SPOCK2: variants seen among roughly 807,000 people sequenced by gnomAD.
SPOCK2 encodes the protein SPARC (osteonectin), cwcv and kazal like domains proteoglycan 2.
Under a neutral mutation model 60.1 loss-of-function variants are expected in SPOCK2, and 39 were observed. That is an observed-to-expected ratio of 0.65 (90% CI 0.50 to 0.85). SPOCK2 has a LOEUF of 0.85. Ranked by LOEUF, SPOCK2 falls within the 40% of genes least tolerant of loss-of-function variation. The pLI, the probability that SPOCK2 is intolerant of heterozygous loss-of-function variation, is 0.00. For missense variants in SPOCK2, 523 were observed against 567.4 expected (o/e 0.92, Z 0.80); for synonymous variants, 217 against 231.5 (o/e 0.94, Z 0.57).
Position 72,088,346 on chromosome 10 carries a change from C to A in SPOCK2, c.-18G>T. On this transcript the variant is annotated 5_prime_UTR_variant, in exon 1 of 11. It adds an upstream start codon to the 5' untranslated region. Coordinates refer to ENST00000373109, the MANE Select transcript of SPOCK2 (RefSeq NM_001244950.2). ...GCGCGCATCGTGGTCTGGGTTCGAC[C>A]TGGGGGGGTCTTGACTTCTGCAGTA... 1.3e-6 allele frequency: 2 copies of A among 1,497,730 alleles called. No individual in the cohort carries two copies. The highest frequency in any genetic ancestry group is 2.3e-5 in the African/African-American group (1 of 44,034). The allele number at this position is 1,497,730 out of a possible 1,614,324, so 92.8% of individuals were successfully genotyped here.
intron 8 of SPOCK2, among the ~76,000 whole-genome samples, chr10:72,064,540 A>AC (rs1054879372): frequency 2.2e-4 from 33 of 152,220 alleles, no homozygotes; most frequent in African/African-American, 7.9e-4. Flanking sequence ...GAACACACAG[A>AC]CACCCAAGTA....
In SPOCK2 at chr10:72,063,150, G is replaced by C. The variant is rs748196224; in HGVS notation, c.1004C>G (p.Pro335Arg). The C allele has an allele frequency of 5.5e-5, 86 of 1,556,794 alleles. No individual in the cohort carries two copies. Among genetic ancestry groups the C allele is most frequent in the Non-Finnish European group, 7.4e-5 (85 of 1,149,830 alleles). ...GTAGTAGCCATCCTCGTCGCAGCTC[G>C]GGATGAAGATGCCTGAATGAGACAG... is the stretch of plus-strand genomic sequence containing the variant. ...AAKKKPGIFI[P>R]SCDEDGYYRK... Residue 335 changes from proline (P) to arginine (R), a missense_variant, in exon 10 of 11, where the codon CCG becomes CGG. Pro to Arg is a moderately radical substitution (Grantham distance 103). Coordinates refer to ENST00000373109, the MANE Select transcript of SPOCK2 (RefSeq NM_001244950.2).
chr10:72,063,584 C>T (rs906739120), intron 9 of SPOCK2, among the ~76,000 whole-genome samples: 2 of 152,236 alleles, frequency 1.3e-5, no homozygotes, highest in Non-Finnish European at 2.9e-5. Flanking sequence ...GACCTGCCTC[C>T]GGGGCCCACT....
chr10:72,088,504 A>G lies in SPOCK2; in HGVS notation c.-176T>C. 1.4e-6 allele frequency: 1 copy of G among 699,054 alleles called. No individual in the cohort carries two copies. Among genetic ancestry groups the G allele is most frequent in the Middle Eastern group, 4.1e-4 (1 of 2,424 alleles). 43.3% of individuals were successfully genotyped at this position (699,054 alleles called of 1,614,324 possible). ...GAAATGTGACCTGGTTAGGAGATGC[A>G]CTTGTCTGAAAAAGCCCAGCACTGG... On this transcript the variant is annotated 5_prime_UTR_variant, in exon 1 of 11. Transcript: ENST00000373109.
chr10:72,073,181 G>A (rs538968831), intron 1 of SPOCK2, among the ~76,000 whole-genome samples: 1 of 152,182 alleles, frequency 6.6e-6, no homozygotes, highest in Non-Finnish European at 1.5e-5. Flanking sequence ...CCCCCACTCC[G>A]TTCCCAGTCC....
chr10:72,070,876 T>C (rs1276394054), intron 4 of SPOCK2, among the ~76,000 whole-genome samples: 1 of 152,202 alleles, frequency 6.6e-6, no homozygotes, highest in African/African-American at 2.4e-5. Flanking sequence ...ACCTGGATTC[T>C]TGGCCTGTCT....
chr10:72,083,772 C>G (rs2131823700), intron 1 of SPOCK2, among the ~76,000 whole-genome samples: 1 of 152,280 alleles, frequency 6.6e-6, no homozygotes. Flanking sequence ...TCTCAAACCC[C>G]AATTGTTGTT....
intron 1 of SPOCK2, among the ~76,000 whole-genome samples, chr10:72,081,287 C>T (rs1247215911): frequency 1.3e-5 from 2 of 152,216 alleles, no homozygotes; most frequent in African/African-American, 2.4e-5. Context: ...AATAGGAGCC[C>T]GAACGATTTC....
chr10:72,085,714 C>A (rs1276206609), intron 1 of SPOCK2, among the ~76,000 whole-genome samples: 1 of 152,182 alleles, frequency 6.6e-6, no homozygotes, highest in Non-Finnish European at 1.5e-5. Flanking sequence ...AACCTTGTAA[C>A]CCCTTAAGGG....
chr10:72,069,789 T>C (rs539731279), intron 5 of SPOCK2, among the ~76,000 whole-genome samples: 1 of 152,264 alleles, frequency 6.6e-6, no homozygotes, highest in African/African-American at 2.4e-5. Context: ...TCAAATATTG[T>C]CTCCTGAAAT....
In SPOCK2 at chr10:72,063,101, G is replaced by A. The variant is rs1001153018; in HGVS notation, c.1053C>T (p.Ser351=). The stretch of plus-strand genomic sequence containing the variant: ...GGTCCACACACCAGCAGTCACCGCT[G>A]CTCTGGTCACACTGCATCTTCCGGT... The part of the protein sequence containing the change: ...GYYRKMQCDQ[S]SGDCWCVDQL... Residue 351 remains serine (S), a synonymous_variant, in exon 10 of 11, where the codon AGC becomes AGT. Coordinates refer to ENST00000373109, the MANE Select transcript of SPOCK2 (RefSeq NM_001244950.2). The A allele has an allele frequency of 9.6e-6, 15 of 1,555,538 alleles. No homozygotes were observed. Among genetic ancestry groups the A allele is most frequent in the Non-Finnish European group, 1.3e-5 (15 of 1,149,158 alleles).
intron 1 of SPOCK2, among the ~76,000 whole-genome samples, chr10:72,074,521 T>C (rs1004459923): frequency 6.6e-6 from 1 of 152,222 alleles, no homozygotes; most frequent in Non-Finnish European, 1.5e-5. Flanking sequence ...TGCACACACA[T>C]GTGTAGTGAC....
chr10:72,063,276 A>T, intron 9 of SPOCK2, 114 bp from the exon 10 acceptor site: 5 of 1,441,568 alleles, frequency 3.5e-6, no homozygotes, highest in Non-Finnish European at 4.6e-6. Context: ...CCCAGAGCCC[A>T]GCCAGACCGG....
intron 1 of SPOCK2, among the ~76,000 whole-genome samples, chr10:72,077,672 C>T (rs370941135): frequency 2.0e-5 from 3 of 152,232 alleles, no homozygotes; most frequent in African/African-American, 7.2e-5. Context: ...AACAGCCATT[C>T]TTCCTCCCTC....
At chr10:72,086,737 C>CT in intron 1 of SPOCK2, 2 of 1,412,188 alleles carry the variant, frequency 1.4e-6, no homozygotes, top group Non-Finnish European at 1.9e-6. Context: ...GCCTGGAGAC[C>CT]TGGCTGCCCG....
rs2131806142 is a variant in SPOCK2 at position 72,059,759 on chromosome 10, C to T, written c.*3001G>A. The stretch of plus-strand genomic sequence containing the variant: ...CAGTCAAGATGCCGCCACCCACCAC[C>T]CCTCCCTTCCAAGCTCCCAGGCCAT... On this transcript the variant is annotated 3_prime_UTR_variant, in exon 11 of 11. Transcript: ENST00000373109. The T allele has an allele frequency of 6.5e-6, 1 of 153,014 alleles. No individual in the cohort carries two copies. The highest frequency in any genetic ancestry group is 2.1e-4 in the South Asian group (1 of 4,824). 9.5% of individuals were successfully genotyped at this position (153,014 alleles called of 1,614,324 possible). A position where few individuals can be genotyped will look rare whatever the true frequency, so the allele number is the denominator to read the frequency against.
In SPOCK2 at chr10:72,062,539, A is replaced by G; in HGVS notation, c.*221T>C. ...AAGGACACATTTGTCAGCGCATGCC[A>G]CACACACACACACATACACACATGC... On this transcript the variant is annotated 3_prime_UTR_variant, in exon 11 of 11. Transcript: ENST00000373109. This position sits in a 1 kb window ranked among gnomAD's most constrained non-coding sequence, Gnocchi z 4.3. 1 of 486,074 alleles carries G rather than the reference A, an allele frequency of 2.1e-6. No individual in the cohort carries two copies. The highest frequency in any genetic ancestry group is 3.2e-6 in the Non-Finnish European group (1 of 313,934). 30.1% of individuals were successfully genotyped at this position (486,074 alleles called of 1,614,324 possible). A position where few individuals can be genotyped will look rare whatever the true frequency, so the allele number is the denominator to read the frequency against.
At chr10:72,064,387 G>A (rs1840539785) in intron 8 of SPOCK2, 147 bp from the exon 9 acceptor site, 6 of 872,492 alleles carry the variant, frequency 6.9e-6, no homozygotes, top group Admixed American at 6.9e-5. Context: ...CAGCAGGGGT[G>A]GGAAGTACAA....
chr10:72,068,848 T>C (rs1436129897), intron 5 of SPOCK2: 1 of 153,180 alleles, frequency 6.5e-6, no homozygotes, highest in Admixed American at 6.5e-5. Context: ...AAAGCCAGGT[T>C]CTGACCAGGG....
Sources: gnomAD v4.1 joint callset for allele counts (sites outside exome capture counted in the v4.1 genomes callset) on GRCh38, gnomAD v4.1.1 for gene constraint, Gnocchi (gnomAD v3.1) non-coding constraint, MANE v1.5 for transcripts, NCBI Gene and HGNC (gene_info 2026-07-23, HGNC 2026-07-21) for gene names.